Variants in DNAJC10 observed in about 807,000 individuals in gnomAD.
The protein encoded by DNAJC10 is DnaJ heat shock protein family (Hsp40) member C10, also known as endoplasmic reticulum disulfide reductase DNAJC10.
In DNAJC10, 101 loss-of-function variants were observed where a neutral mutation model predicts 115.0. The ratio of observed to expected loss-of-function variants is 0.88; its 90% CI spans 0.75 to 1.04. The LOEUF is 1.04. DNAJC10 is among the 50% of genes least tolerant of loss of function. DNAJC10 has a pLI of 0.00. For synonymous variants in DNAJC10, 307 were observed against 301.5 expected, an observed-to-expected ratio of 1.02 and a Z score of -0.19; for missense variants, 981 against 928.8, an observed-to-expected ratio of 1.06 and a Z score of -0.73.
intron 14 of DNAJC10, 107 bp from the exon 15 acceptor site, chr2:182,751,551 G>A (rs1320950889): frequency 7.6e-7 from 1 of 1,309,500 alleles, no homozygotes; most frequent in African/African-American, 1.5e-5. Context: ...AAATCAATTT[G>A]TTCATAATTT....
rs111612056 is a variant in DNAJC10 at position 182,742,702 on chromosome 2, T to C, written c.1192-896T>C. Among the ~76,000 whole-genome samples the C allele has an allele frequency of 7.9e-3, 1,208 of 152,342 alleles. 6 individuals carry two copies. Among genetic ancestry groups the C allele is most frequent in the South Asian group, 0.032 (154 of 4,828 alleles). ...GATATGTTAACAATATTCACTTTCATTTAATTGCTTTCAACTGGTCGGGGA... is the reference window on the plus strand; with the variant it reads ...GATATGTTAACAATATTCACTTTCACTTAATTGCTTTCAACTGGTCGGGGA... On this transcript the variant is annotated intron_variant, in intron 13 of 23. Transcript: ENST00000264065.
chr2:182,749,228 G>A (rs938412251), intron 14 of DNAJC10, among the ~76,000 whole-genome samples: 7 of 132,716 alleles, frequency 5.3e-5, no homozygotes, highest in East Asian at 2.1e-4. Flanking sequence ...TTTCTGTCTC[G>A]TTGATCTGTC....
intron 3 of DNAJC10, among the ~76,000 whole-genome samples, chr2:182,719,250 C>CTTTTTTTTTTTTTTTTTTTTTTTTT (rs57284693): frequency 1.2e-5 from 1 of 83,686 alleles, no homozygotes; most frequent in African/African-American, 4.7e-5. Flanking sequence ...GGATTGTTTT[C>CTTTTTTTTTTTTTTTTTTTTTTTTT]TTTTTTTTTT....
chr2:182,790,774 A>G lies in DNAJC10; in HGVS notation c.*13642A>G, dbSNP rs1399040298. 7.1e-6 allele frequency: 1 copy of G among 141,816 alleles called. No homozygotes were observed. Among genetic ancestry groups the G allele is most frequent in the Non-Finnish European group, 1.5e-5 (1 of 65,562 alleles). The allele number at this position is 141,816 out of a possible 1,614,324, so 8.8% of individuals were successfully genotyped here. On this transcript the variant is annotated 3_prime_UTR_variant, in exon 24 of 24. Transcript: ENST00000264065. ...ACTGTACTCCAGCCTGGGCAACAAG[A>G]GTGAAACTCTATCTCAAAAAAAAAA...
rs1008859335 is a variant in DNAJC10 at position 182,786,910 on chromosome 2, T to C, written c.*9778T>C. ...AGTCATGAGGGCAGAGACCTCCTTTTTGAGATTGGTACACTTATAAAAGAG... is the reference window on the plus strand; with the variant it reads ...AGTCATGAGGGCAGAGACCTCCTTTCTGAGATTGGTACACTTATAAAAGAG... On this transcript the variant is annotated 3_prime_UTR_variant, in exon 24 of 24. Coordinates refer to ENST00000264065, the MANE Select transcript of DNAJC10 (RefSeq NM_018981.4). 2.0e-5 allele frequency: 3 copies of C among 152,282 alleles called. No individual in the cohort carries two copies. In the East Asian group the frequency reaches 5.8e-4, roughly 29 times the overall value. The allele number at this position is 152,282 out of a possible 1,614,324, so 9.4% of individuals were successfully genotyped here. A position where few individuals can be genotyped will look rare whatever the true frequency, so the allele number is the denominator to read the frequency against.
chr2:182,740,373 G>C lies in DNAJC10; in HGVS notation c.1062G>C (p.Ser354=). Residue 354 remains serine (S), a synonymous_variant, in exon 12 of 24, where the codon TCG becomes TCC. Coordinates refer to ENST00000264065, the MANE Select transcript of DNAJC10 (RefSeq NM_018981.4). ...IHNLPDFELL[S]ANTLEDRLAH... ...ATCTTCCAGATTTTGAACTACTTTC[G>C]GCAAACACACTAGAGGTAATGTTTT... 1 of 1,571,702 alleles carries C rather than the reference G, an allele frequency of 6.4e-7. No individual in the cohort carries two copies. Among genetic ancestry groups the C allele is most frequent in the Non-Finnish European group, 8.6e-7 (1 of 1,163,604 alleles).
chr2:182,778,619 A>G lies in DNAJC10; in HGVS notation c.*1487A>G, dbSNP rs1694770560. On this transcript the variant is annotated 3_prime_UTR_variant, in exon 24 of 24. Coordinates refer to ENST00000264065, the MANE Select transcript of DNAJC10 (RefSeq NM_018981.4). Reference sequence around the variant, plus strand: ...TTTCCTCATAAGGGTTATTATAGCCATAATTAATGTTAAAATAGACTTTGT... The same window carrying G: ...TTTCCTCATAAGGGTTATTATAGCCGTAATTAATGTTAAAATAGACTTTGT... 6.6e-6 allele frequency: 1 copy of G among 152,156 alleles called. No individual in the cohort carries two copies. The highest frequency in any genetic ancestry group is 1.5e-5 in the Non-Finnish European group (1 of 68,034). 9.4% of individuals were successfully genotyped at this position (152,156 alleles called of 1,614,324 possible). A position where few individuals can be genotyped will look rare whatever the true frequency, so the allele number is the denominator to read the frequency against.
intron 22 of DNAJC10, among the ~76,000 whole-genome samples, chr2:182,767,316 G>T (rs1694439446): frequency 6.6e-6 from 1 of 152,202 alleles, no homozygotes; most frequent in Admixed American, 6.5e-5. Flanking sequence ...TCCGTGATCA[G>T]GAAACCAAGG....
Position 182,788,520 on chromosome 2 carries a change from A to T in DNAJC10, c.*11388A>T, listed in dbSNP as rs1460927913. The stretch of plus-strand genomic sequence containing the variant: ...AATGGGAGTAAAAACAAAATGTATA[A>T]AAAGTATTAAAATTTGAAAAATATC... On this transcript the variant is annotated 3_prime_UTR_variant, in exon 24 of 24. Transcript: ENST00000264065. 4.8e-6 allele frequency: 1 copy of T among 210,518 alleles called. No individual in the cohort carries two copies. The highest frequency in any genetic ancestry group is 1.4e-4 in the East Asian group (1 of 6,914). 13.0% of individuals were successfully genotyped at this position (210,518 alleles called of 1,614,324 possible).
rs529097668 is a variant in DNAJC10 at position 182,748,781 on chromosome 2, T to C, written c.1307-2877T>C. ...AATTTTGGATCTTTCCTGCTTTCTC[T>C]TGTGGGCATTTAGTGCTATAAATTT... On this transcript the variant is annotated intron_variant, in intron 14 of 23. Coordinates refer to ENST00000264065, the MANE Select transcript of DNAJC10 (RefSeq NM_018981.4). Among the ~76,000 whole-genome samples the C allele has an allele frequency of 4.9e-4, 75 of 152,328 alleles. No individual in the cohort carries two copies. In the East Asian group the frequency reaches 0.013, roughly 27 times the overall value.
At position 182,790,733 on chromosome 2, in the gene DNAJC10, G is replaced by A. The variant is rs1695034355; in HGVS notation, c.*13601G>A. 1.3e-5 allele frequency: 2 copies of A among 150,696 alleles called. No individual in the cohort carries two copies. The highest frequency in any genetic ancestry group is 2.4e-5 in the African/African-American group (1 of 40,870). 9.3% of individuals were successfully genotyped at this position (150,696 alleles called of 1,614,324 possible). A position where few individuals can be genotyped will look rare whatever the true frequency, so the allele number is the denominator to read the frequency against. ...GAACCCGGGAGGCAGAGGTTACAGT[G>A]AGCTGAGGTCACGTCACTGTACTCC... On this transcript the variant is annotated 3_prime_UTR_variant, in exon 24 of 24. Coordinates refer to ENST00000264065, the MANE Select transcript of DNAJC10 (RefSeq NM_018981.4).
intron 3 of DNAJC10, among the ~76,000 whole-genome samples, chr2:182,719,552 T>G (rs1693091359): frequency 1.3e-5 from 2 of 152,104 alleles, no homozygotes; most frequent in Admixed American, 6.6e-5. Flanking sequence ...TTTCTGATAC[T>G]GGCTTTTATG....
rs368105584 is a variant in DNAJC10 at position 182,740,251 on chromosome 2, T to C, written c.988-48T>C. ...TTGAAAAAACAAAAGATATCAAATA[T>C]AATGAATATTTATTCAAAAAGATTA... On this transcript the variant is annotated intron_variant, in intron 11 of 23. Transcript: ENST00000264065. 6 of 1,260,274 alleles carry C rather than the reference T, an allele frequency of 4.8e-6. No individual in the cohort carries two copies. The African/African-American group carries it at 9.5e-5, about 20-fold the overall frequency. 78.1% of individuals were successfully genotyped at this position (1,260,274 alleles called of 1,614,324 possible).
chr2:182,745,052 T>G (rs566820390), intron 14 of DNAJC10, among the ~76,000 whole-genome samples: 1 of 152,308 alleles, frequency 6.6e-6, no homozygotes, highest in African/African-American at 2.4e-5. Flanking sequence ...TTGTTGTGTT[T>G]GCAGTTATTA....
chr2:182,731,022 T>C lies in DNAJC10; in HGVS notation c.728-8T>C, dbSNP rs763641739. On this transcript the variant is annotated splice_polypyrimidine_tract_variant and splice_region_variant and intron_variant, in intron 8 of 23. Transcript: ENST00000264065. ...ATCAGAATTTGCTTTTTTTCTTTTA[T>C]TTTTAAGGAAATTTTGTCAACTCCA... 1 of 1,604,148 alleles carries C rather than the reference T, an allele frequency of 6.2e-7. No individual in the cohort carries two copies. Among genetic ancestry groups the C allele is most frequent in the African/African-American group, 1.3e-5 (1 of 74,292 alleles).
chr2:182,729,813 G>C, intron 7 of DNAJC10, 35 bp from the exon 8 acceptor site: 1 of 1,394,482 alleles, frequency 7.2e-7, no homozygotes, highest in Non-Finnish European at 9.9e-7. Context: ...AAAAGAAAAA[G>C]TAAAAGATGT....
intron 5 of DNAJC10, among the ~76,000 whole-genome samples, chr2:182,727,961 T>C (rs1217315887): frequency 6.6e-6 from 1 of 152,240 alleles, no homozygotes; most frequent in Non-Finnish European, 1.5e-5. Flanking sequence ...CAAATATGTA[T>C]TAATGTTTTG....
intron 10 of DNAJC10, among the ~76,000 whole-genome samples, chr2:182,734,084 T>C (rs1211385009): frequency 1.1e-5 from 1 of 90,212 alleles, no homozygotes; most frequent in African/African-American, 5.5e-5. Context: ...TTCAGCTTTA[T>C]TGATTTTTTT....
At chr2:182,732,336 T>TGTATG (rs34295287) in intron 9 of DNAJC10, among the ~76,000 whole-genome samples, 163 bp from the exon 10 acceptor site, 1 of 151,464 alleles carries the variant, frequency 6.6e-6, no homozygotes. Context: ...GTGTGTGTGT[T>TGTATG]TGTATGTGTG....
Sources: gnomAD v4.1 joint callset for allele counts (sites outside exome capture counted in the v4.1 genomes callset) on GRCh38, gnomAD v4.1.1 for gene constraint, MANE v1.5 for transcripts, NCBI Gene and HGNC (gene_info 2026-07-23, HGNC 2026-07-21) for gene names.